GPC5: variants seen among roughly 807,000 people sequenced by gnomAD.
The protein encoded by GPC5 is glypican 5.
Under a neutral mutation model 53.9 loss-of-function variants are expected in GPC5, and 47 were observed. That is an observed-to-expected ratio of 0.87 (90% confidence interval 0.69 to 1.11). The LOEUF is 1.11. GPC5 is among the 50% of genes most tolerant of loss of function. GPC5 has a pLI of 0.00. For synonymous variants in GPC5, 286 were observed against 263.3 expected (o/e 1.09, Z -0.84); for missense variants, 748 against 713.1 (o/e 1.05, Z -0.56).
At chr13:92,166,643 T>A (rs550474337) in intron 7 of GPC5, among the ~76,000 whole-genome samples, 1 of 152,256 alleles carries the variant, frequency 6.6e-6, no homozygotes, top group Admixed American at 6.5e-5. Flanking sequence ...ATTGACTGTT[T>A]ACAGGTTTGT....
intron 7 of GPC5, among the ~76,000 whole-genome samples, chr13:92,499,937 A>G (rs1880118673): frequency 6.6e-6 from 1 of 152,214 alleles, no homozygotes; most frequent in African/African-American, 2.4e-5. Context: ...AATAAGCTAT[A>G]AAACCTGAAC....
At chr13:92,447,823 C>T (rs1566594750) in intron 7 of GPC5, 2 of 152,084 alleles carry the variant, frequency 1.3e-5, no homozygotes, top group Admixed American at 6.6e-5. Flanking sequence ...ATTGCATTTC[C>T]AACATAATTA....
At chr13:91,689,868 A>G (rs2035719010) in intron 2 of GPC5, among the ~76,000 whole-genome samples, 1 of 152,206 alleles carries the variant, frequency 6.6e-6, no homozygotes, top group Non-Finnish European at 1.5e-5. Flanking sequence ...CAGTAGAAGG[A>G]GTGCACTCTA....
At chr13:92,396,649 C>A (rs1481683897) in intron 7 of GPC5, among the ~76,000 whole-genome samples, 1 of 152,214 alleles carries the variant, frequency 6.6e-6, no homozygotes, top group East Asian at 1.9e-4. Context: ...TTAAGCCCCA[C>A]ATGCATTAGC....
intron 7 of GPC5, among the ~76,000 whole-genome samples, chr13:92,535,874 C>T (rs1881707284): frequency 6.6e-6 from 1 of 152,064 alleles, no homozygotes; most frequent in African/African-American, 2.4e-5. Flanking sequence ...TATAAAAACT[C>T]ACCTCAATGG....
chr13:91,727,577 G>A (rs1016987083), intron 3 of GPC5, among the ~76,000 whole-genome samples: 2 of 152,152 alleles, frequency 1.3e-5, no homozygotes, highest in Non-Finnish European at 2.9e-5. Flanking sequence ...TGGATGCATA[G>A]CTTCTTCAAT....
intron 5 of GPC5, among the ~76,000 whole-genome samples, chr13:91,853,529 A>G (rs1169792910): frequency 1.3e-5 from 2 of 151,976 alleles, no homozygotes; most frequent in Non-Finnish European, 2.9e-5. Flanking sequence ...AGATACAGCT[A>G]AAGAATTAAC....
intron 6 of GPC5, among the ~76,000 whole-genome samples, chr13:92,026,871 T>C (rs931524371): frequency 2.0e-5 from 3 of 152,176 alleles, no homozygotes; most frequent in Non-Finnish European, 4.4e-5. Context: ...ACTATGAGTC[T>C]AAAAATTTCA....
chr13:91,480,090 G>C (rs1476870003), intron 2 of GPC5, among the ~76,000 whole-genome samples: 1 of 152,206 alleles, frequency 6.6e-6, no homozygotes, highest in Non-Finnish European at 1.5e-5. Flanking sequence ...TTATATCAGA[G>C]TGAAAGATGT....
At chr13:92,201,687 A>G (rs1388472612) in intron 7 of GPC5, among the ~76,000 whole-genome samples, 1 of 152,200 alleles carries the variant, frequency 6.6e-6, no homozygotes, top group Non-Finnish European at 1.5e-5. Flanking sequence ...CAATGCAACT[A>G]CAGGTGGGGG....
chr13:91,551,961 T>C (rs1469699497), intron 2 of GPC5, among the ~76,000 whole-genome samples: 2 of 152,086 alleles, frequency 1.3e-5, no homozygotes, highest in African/African-American at 2.4e-5. Context: ...TGGTAAGTGA[T>C]TTAGACTAAT....
In GPC5 at chr13:91,728,481, G is replaced by A. The variant is rs375157473; in HGVS notation, c.1021-51G>A. On this transcript the variant is annotated intron_variant, in intron 3 of 7. Coordinates refer to ENST00000377067, the MANE Select transcript of GPC5 (RefSeq NM_004466.6). ...GGCCCTATGAAACATCACATTCTCA[G>A]AAAGGTGGAGTACGATTTCTAACTA... The A allele has an allele frequency of 6.6e-4, 1,036 of 1,560,890 alleles. 15 individuals carry two copies. In the South Asian group the frequency reaches 0.012, roughly 18 times the overall value.
intron 7 of GPC5, among the ~76,000 whole-genome samples, chr13:92,579,985 T>G (rs1883322112): frequency 6.6e-6 from 1 of 152,184 alleles, no homozygotes; most frequent in Non-Finnish European, 1.5e-5. Flanking sequence ...TCTAAAAACT[T>G]TCTCCGTGTT....
chr13:91,452,504 A>C (rs1221705527), intron 2 of GPC5, among the ~76,000 whole-genome samples: 1 of 152,170 alleles, frequency 6.6e-6, no homozygotes, highest in Non-Finnish European at 1.5e-5. Context: ...AGTAATGTTC[A>C]TGAATAAAGC....
chr13:92,157,674 TAAAGG>T (rs2041955009), intron 7 of GPC5, among the ~76,000 whole-genome samples: 2 of 152,180 alleles, frequency 1.3e-5, no homozygotes, highest in Admixed American at 6.5e-5. Flanking sequence ...TTAGTCAACA[TAAAGG>T]AAATGCAAAA....
At chr13:92,376,893 G>A (rs1350614175) in intron 7 of GPC5, among the ~76,000 whole-genome samples, 1 of 152,082 alleles carries the variant, frequency 6.6e-6, no homozygotes, top group Non-Finnish European at 1.5e-5. Context: ...GCACATGCCT[G>A]TAATCCCAGC....
chr13:92,378,239 T>C (rs2043710577), intron 7 of GPC5, among the ~76,000 whole-genome samples: 1 of 152,146 alleles, frequency 6.6e-6, no homozygotes, highest in South Asian at 2.1e-4. Context: ...TATCAGGGTA[T>C]TCTTGATAAT....
chr13:92,626,239 G>C (rs1196628616), intron 7 of GPC5, among the ~76,000 whole-genome samples: 3 of 152,084 alleles, frequency 2.0e-5, no homozygotes, highest in Non-Finnish European at 2.9e-5. Context: ...TAATTTCATT[G>C]AAAATATTAG....
intron 7 of GPC5, among the ~76,000 whole-genome samples, chr13:92,637,582 G>A (rs986965105): frequency 1.3e-5 from 2 of 152,114 alleles, no homozygotes; most frequent in Non-Finnish European, 2.9e-5. Context: ...TAGACTAAAA[G>A]GTGCTCTGGT....
Sources: gnomAD v4.1 joint callset for allele counts (sites outside exome capture counted in the v4.1 genomes callset) on GRCh38, gnomAD v4.1.1 for gene constraint, MANE v1.5 for transcripts, NCBI Gene and HGNC (gene_info 2026-07-23, HGNC 2026-07-21) for gene names.